Variants in BICRA observed in about 807,000 individuals in gnomAD.
The protein encoded by BICRA is BRD4 interacting chromatin remodeling complex associated protein.
In BICRA, 31 loss-of-function variants were observed where a neutral mutation model predicts 96.9. The ratio of observed to expected loss-of-function variants is 0.32; its 90% confidence interval spans 0.24 to 0.43. The LOEUF (loss-of-function observed/expected upper bound fraction) is 0.43, where lower values mean the gene tolerates loss of function less well. Among genes scored for constraint, BICRA ranks in the 20% least tolerant of loss-of-function variants. The pLI is 1.00. For synonymous variants in BICRA, 1,350 were observed against 1,071.8 expected, an observed-to-expected ratio of 1.26 and a Z score of -5.07; for missense variants, 2,283 against 2,190.3, an observed-to-expected ratio of 1.04 and a Z score of -0.84.
chr19:47,615,639 C>T (rs1192896244), intron 1 of BICRA: 3 of 152,158 alleles, frequency 2.0e-5, no homozygotes, highest in Non-Finnish European at 1.5e-5. Context: ...TCCCCAAACA[C>T]CCATAAAGTG....
chr19:47,646,464 C>T (rs889754628), intron 1 of BICRA, among the ~76,000 whole-genome samples: 1 of 152,134 alleles, frequency 6.6e-6, no homozygotes, highest in Non-Finnish European at 1.5e-5. Flanking sequence ...CACACACACA[C>T]GGCTGAAACA....
rs1568580071 is a variant in BICRA, at chr19:47,699,083, GCCTCTGGGCT to G, written c.3492+29_3492+38del. 6.9e-7 allele frequency: 1 copy of G among 1,442,616 alleles called. No individual in the cohort carries two copies. The highest frequency in any genetic ancestry group is 9.5e-7 in the Non-Finnish European group (1 of 1,049,290). 89.4% of individuals were successfully genotyped at this position (1,442,616 alleles called of 1,614,324 possible). A position where few individuals can be genotyped will look rare whatever the true frequency, so the allele number is the denominator to read the frequency against. On this transcript the variant is annotated intron_variant, in intron 13 of 14. Transcript: ENST00000594866. The surrounding 1 kb of genome is among the most constrained non-coding windows in gnomAD (Gnocchi z 5.0). Reference sequence around the variant, plus strand: ...GGGTAGGGTCAGAGTCGCCTTCCTCGCCTCTGGGCTCCTCCTCGCTGGGACACTGCCCCTT... The same window carrying G: ...GGGTAGGGTCAGAGTCGCCTTCCTCGCCTCCTCGCTGGGACACTGCCCCTT...
chr19:47,671,096 AC>A (rs1168985030), intron 2 of BICRA, among the ~76,000 whole-genome samples: 2 of 152,264 alleles, frequency 1.3e-5, no homozygotes, highest in Non-Finnish European at 2.9e-5. Flanking sequence ...CACATTTCTT[AC>A]CCACATGCAT....
At chr19:47,642,331 A>G (rs1972396682) in intron 1 of BICRA, among the ~76,000 whole-genome samples, 1 of 152,198 alleles carries the variant, frequency 6.6e-6, no homozygotes, top group Admixed American at 6.5e-5. Flanking sequence ...GTGTGGACCT[A>G]TGCTATCATT....
Position 47,694,741 on chromosome 19 carries a change from G to A in BICRA, c.2895+15G>A. The A allele has an allele frequency of 7.6e-7, 1 of 1,321,760 alleles. No individual in the cohort carries two copies. Among genetic ancestry groups the A allele is most frequent in the Non-Finnish European group, 1.1e-6 (1 of 941,952 alleles). 81.9% of individuals were successfully genotyped at this position (1,321,760 alleles called of 1,614,324 possible). On this transcript the variant is annotated intron_variant, in intron 8 of 14. Coordinates refer to ENST00000594866, the MANE Select transcript of BICRA (RefSeq NM_001394372.1). ...GATTTCACCAGGTAACGGGAGGCAG[G>A]GACTGCCCGCCCCATCAGCCCCATC...
Position 47,681,004 on chromosome 19 carries a change from A to G in BICRA, c.1834A>G (p.Thr612Ala). ...LVQPATPAAA[T>A]GEAAPVLTVQ... is the part of the protein sequence containing the mutation. ...GCAGCCGGCCACCCCTGCCGCTGCC[A>G]CCGGGGAGGCCGCGCCTGTCCTCAC... The change falls in exon 6 of 15, where the codon ACC becomes GCC. Residue 612 changes from threonine to alanine, a missense_variant. By Grantham distance (58) the Thr-to-Ala change is moderately conservative. Transcript: ENST00000594866. 1 of 1,450,134 alleles carries G rather than the reference A, an allele frequency of 6.9e-7. No homozygotes were observed. Among genetic ancestry groups the G allele is most frequent in the Non-Finnish European group, 9.0e-7 (1 of 1,111,536 alleles). The allele number at this position is 1,450,134 out of a possible 1,614,324, so 89.8% of individuals were successfully genotyped here. A position where few individuals can be genotyped will look rare whatever the true frequency, so the allele number is the denominator to read the frequency against.
chr19:47,635,558 T>C (rs1972288744), intron 1 of BICRA, among the ~76,000 whole-genome samples: 1 of 152,146 alleles, frequency 6.6e-6, no homozygotes, highest in Non-Finnish European at 1.5e-5. Context: ...TGTTTCTATT[T>C]CTAGGATTTT....
chr19:47,664,077 G>A (rs1271433917), intron 1 of BICRA, among the ~76,000 whole-genome samples: 1 of 152,142 alleles, frequency 6.6e-6, no homozygotes, highest in Non-Finnish European at 1.5e-5. Context: ...GGAGAGGTGG[G>A]GAAATGGTGT....
chr19:47,678,262 C>T (rs556125261), intron 5 of BICRA, among the ~76,000 whole-genome samples: 13 of 152,162 alleles, frequency 8.5e-5, no homozygotes, highest in African/African-American at 2.2e-4. Context: ...ACTGCAGGCA[C>T]GTGCCACCAC....
chr19:47,690,558 G>A (rs886943113), intron 7 of BICRA, among the ~76,000 whole-genome samples: 5 of 152,152 alleles, frequency 3.3e-5, no homozygotes, highest in African/African-American at 9.7e-5. Flanking sequence ...CCTGGGGTGC[G>A]TTTTGCTGTG....
At chr19:47,679,210 T>G (rs1422974823) in intron 5 of BICRA, 111 bp from the exon 6 acceptor site, 2 of 705,674 alleles carry the variant, frequency 2.8e-6, no homozygotes, top group African/African-American at 3.8e-5. Flanking sequence ...GGGAATGTTC[T>G]TTCTTGAACG....
intron 2 of BICRA, among the ~76,000 whole-genome samples, chr19:47,671,123 A>G (rs1972855893): frequency 6.6e-6 from 1 of 152,240 alleles, no homozygotes; most frequent in Non-Finnish European, 1.5e-5. Context: ...GGCATGAAAC[A>G]TGCGTGTGTC....
intron 1 of BICRA, among the ~76,000 whole-genome samples, chr19:47,660,821 C>T (rs778491837): frequency 8.5e-5 from 13 of 152,130 alleles, no homozygotes; most frequent in African/African-American, 1.2e-4. Context: ...TGGGCAAGTA[C>T]CCAACCCTTT....
chr19:47,678,901 C>CT (rs554786093), intron 5 of BICRA: 469 of 153,244 alleles, frequency 3.1e-3, no homozygotes, highest in East Asian at 4.7e-3. Context: ...TTTTTTTCTT[C>CT]TTTTTTTTTT....
chr19:47,701,936 G>A lies in BICRA; in HGVS notation c.4204G>A (p.Glu1402Lys), dbSNP rs1439813642. 11 of 1,436,238 alleles carry A rather than the reference G, an allele frequency of 7.7e-6. No individual in the cohort carries two copies. Among genetic ancestry groups the A allele is most frequent in the Non-Finnish European group, 1.0e-5 (11 of 1,105,074 alleles). The allele number at this position is 1,436,238 out of a possible 1,614,324, so 89.0% of individuals were successfully genotyped here. Residue 1402 changes from glutamate (E) to lysine (K), a missense_variant, in exon 15 of 15, where the codon GAG becomes AAG. Glu to Lys is a moderately conservative substitution (Grantham distance 56). Transcript: ENST00000594866. The surrounding 1 kb of genome is among the most constrained non-coding windows in gnomAD (Gnocchi z 5.4). ...GAACGTGGGGGGCCCTGGCGCGCCGGAGGGGACGCCCGCAGGCAGGGCACG... is the reference window on the plus strand; with the variant it reads ...GAACGTGGGGGGCCCTGGCGCGCCGAAGGGGACGCCCGCAGGCAGGGCACG... ...RENVGGPGAPEGTPAGRARGG... is the reference protein window; with the variant it reads ...RENVGGPGAPKGTPAGRARGG...
At chr19:47,668,702 G>A (rs1972819616) in intron 1 of BICRA, among the ~76,000 whole-genome samples, 1 of 152,050 alleles carries the variant, frequency 6.6e-6, no homozygotes, top group South Asian at 2.1e-4. Context: ...ACGTTGGCCA[G>A]GCTGGTCTCG....
At chr19:47,611,109 C>T (rs548193219) in intron 1 of BICRA, among the ~76,000 whole-genome samples, 1 of 149,140 alleles carries the variant, frequency 6.7e-6, no homozygotes, top group Non-Finnish European at 1.5e-5. Flanking sequence ...GGTCACACAG[C>T]CCTGGGTCAC....
At position 47,701,044 on chromosome 19, in the gene BICRA, C is replaced by T. The variant is rs111807087; in HGVS notation, c.3596-284C>T. On this transcript the variant is annotated intron_variant, in intron 14 of 14. Coordinates refer to ENST00000594866, the MANE Select transcript of BICRA (RefSeq NM_001394372.1). The surrounding 1 kb of genome is among the most constrained non-coding windows in gnomAD (Gnocchi z 5.4). ...CCCCCTCCCTTGGCCTCCCAAAGTG[C>T]TGGGATTACAGGCCTGAGCCTTGTT... The T allele has an allele frequency of 6.5e-6, 3 of 461,948 alleles. No homozygotes were observed. Among genetic ancestry groups the T allele is most frequent in the African/African-American group, 4.1e-5 (2 of 49,338 alleles). The allele number at this position is 461,948 out of a possible 1,614,324, so 28.6% of individuals were successfully genotyped here.
At chr19:47,610,510 G>A (rs1188252837) in intron 1 of BICRA, among the ~76,000 whole-genome samples, 1 of 152,132 alleles carries the variant, frequency 6.6e-6, no homozygotes, top group Non-Finnish European at 1.5e-5. Flanking sequence ...GCTCTCCCGG[G>A]GAGGCCCAGG....
Sources: gnomAD v4.1 joint callset for allele counts (sites outside exome capture counted in the v4.1 genomes callset) on GRCh38, gnomAD v4.1.1 for gene constraint, Gnocchi (gnomAD v3.1) non-coding constraint, MANE v1.5 for transcripts, NCBI Gene and HGNC (gene_info 2026-07-23, HGNC 2026-07-21) for gene names.